LRFN2: variants seen among roughly 807,000 people sequenced by gnomAD.
LRFN2 encodes the protein leucine rich repeat and fibronectin type III domain containing 2.
Under a neutral mutation model 37.3 loss-of-function variants are expected in LRFN2, and 18 were observed. The observed-to-expected ratio is 0.48, with a 90% CI of 0.33 to 0.72. LRFN2 has a LOEUF of 0.72. LRFN2 is among the 30% of genes least tolerant of loss of function. The probability of loss-of-function intolerance (pLI) is 0.02; values close to 1 mark genes in which losing one functional copy is unlikely to be tolerated. For missense variants in LRFN2, 1,006 were observed against 1,060.7 expected (o/e 0.95, Z 0.72); for synonymous variants, 556 against 466.6 (o/e 1.19, Z -2.47).
intron 1 of LRFN2, among the ~76,000 whole-genome samples, chr6:40,437,421 G>A (rs563919227): frequency 2.0e-5 from 3 of 151,868 alleles, no homozygotes; most frequent in Non-Finnish European, 4.4e-5. Context: ...TGCATACCCT[G>A]GAGCTCAGAG....
At chr6:40,393,602 G>A (rs752030702) in intron 2 of LRFN2, among the ~76,000 whole-genome samples, 4 of 152,042 alleles carry the variant, frequency 2.6e-5, no homozygotes, top group Admixed American at 6.6e-5. Context: ...AGGGACACCC[G>A]CTACTTCCCT....
At chr6:40,421,890 T>C (rs1040391288) in intron 2 of LRFN2, among the ~76,000 whole-genome samples, 2 of 152,210 alleles carry the variant, frequency 1.3e-5, no homozygotes, top group Non-Finnish European at 2.9e-5. Context: ...ATGAAGATGT[T>C]CTTCTTTCAC....
At chr6:40,446,724 T>G (rs1002150909) in intron 1 of LRFN2, among the ~76,000 whole-genome samples, 1 of 152,254 alleles carries the variant, frequency 6.6e-6, no homozygotes, top group African/African-American at 2.4e-5. Flanking sequence ...ACAATTATCT[T>G]CTTCCAGTAG....
intron 1 of LRFN2, among the ~76,000 whole-genome samples, chr6:40,507,908 C>A (rs1429621746): frequency 1.3e-5 from 2 of 152,144 alleles, no homozygotes; most frequent in Non-Finnish European, 2.9e-5. Flanking sequence ...TAATGGCTAA[C>A]AAATGTGTGC....
chr6:40,503,318 T>C (rs1351675206), intron 1 of LRFN2, among the ~76,000 whole-genome samples: 1 of 151,996 alleles, frequency 6.6e-6, no homozygotes, highest in Non-Finnish European at 1.5e-5. Context: ...TGGAGAGAGA[T>C]CAGTTCTCCC....
intron 1 of LRFN2, among the ~76,000 whole-genome samples, chr6:40,579,017 C>T (rs1301548718): frequency 6.6e-6 from 1 of 152,176 alleles, no homozygotes; most frequent in African/African-American, 2.4e-5. Context: ...ACATAAACTT[C>T]CCAAGGACAA....
At chr6:40,457,707 G>A (rs1175905791) in intron 1 of LRFN2, among the ~76,000 whole-genome samples, 1 of 151,580 alleles carries the variant, frequency 6.6e-6, no homozygotes, top group Non-Finnish European at 1.5e-5. Flanking sequence ...ACCTGAAGGT[G>A]CCATGATTTA....
chr6:40,565,459 G>C (rs1242087548), intron 1 of LRFN2, among the ~76,000 whole-genome samples: 1 of 152,036 alleles, frequency 6.6e-6, no homozygotes, highest in Non-Finnish European at 1.5e-5. Flanking sequence ...AAAGCTGGAG[G>C]CATCACACTA....
At chr6:40,531,172 T>A (rs907257850) in intron 1 of LRFN2, among the ~76,000 whole-genome samples, 26 of 152,200 alleles carry the variant, frequency 1.7e-4, no homozygotes, top group Non-Finnish European at 3.1e-4. Context: ...ATACCACAGA[T>A]AGGCCATCTG....
intron 1 of LRFN2, among the ~76,000 whole-genome samples, chr6:40,521,742 C>G (rs1179829906): frequency 6.6e-6 from 1 of 152,058 alleles, no homozygotes; most frequent in Non-Finnish European, 1.5e-5. Flanking sequence ...CTTGACCCAC[C>G]TCCTCTTATC....
chr6:40,507,206 G>A (rs1765568132), intron 1 of LRFN2, among the ~76,000 whole-genome samples: 1 of 152,142 alleles, frequency 6.6e-6, no homozygotes. Flanking sequence ...GGCACATGGT[G>A]GGTTCTTAAT....
chr6:40,424,671 C>T (rs542292658), intron 2 of LRFN2, among the ~76,000 whole-genome samples: 6 of 152,310 alleles, frequency 3.9e-5, no homozygotes, highest in African/African-American at 1.4e-4. Flanking sequence ...CTGTCCACCC[C>T]TATTTCCTCC....
At chr6:40,413,153 T>C (rs1763010333) in intron 2 of LRFN2, among the ~76,000 whole-genome samples, 2 of 152,186 alleles carry the variant, frequency 1.3e-5, no homozygotes, top group Admixed American at 1.3e-4. Flanking sequence ...GCAAGAGTGG[T>C]GAGTGATTTA....
chr6:40,493,593 T>C (rs1765148099), intron 1 of LRFN2, among the ~76,000 whole-genome samples: 1 of 152,198 alleles, frequency 6.6e-6, no homozygotes, highest in African/African-American at 2.4e-5. Context: ...AATAGCTTCC[T>C]GAGTGCTCCA....
At chr6:40,453,547 CA>C (rs1385946546) in intron 1 of LRFN2, among the ~76,000 whole-genome samples, 34 of 150,414 alleles carry the variant, frequency 2.3e-4, no homozygotes, top group Non-Finnish European at 3.0e-4. Flanking sequence ...CACACACACA[CA>C]CACACACCTC....
At chr6:40,504,372 C>T (rs975177398) in intron 1 of LRFN2, among the ~76,000 whole-genome samples, 2 of 152,162 alleles carry the variant, frequency 1.3e-5, no homozygotes, top group Non-Finnish European at 2.9e-5. Context: ...CGATCTTAAA[C>T]ATGAAAGGCT....
intron 1 of LRFN2, among the ~76,000 whole-genome samples, chr6:40,509,156 C>T (rs1321423471): frequency 6.6e-6 from 1 of 152,246 alleles, no homozygotes; most frequent in African/African-American, 2.4e-5. Context: ...TCTCAATGAC[C>T]TAGCCAAGGA....
intron 1 of LRFN2, among the ~76,000 whole-genome samples, chr6:40,526,931 G>T (rs1285428978): frequency 7.9e-5 from 12 of 152,190 alleles, no homozygotes; most frequent in Non-Finnish European, 4.4e-5. Flanking sequence ...GGGCAGGACT[G>T]ATCATTGCCT....
Position 40,444,634 on chromosome 6 carries a change from C to T in LRFN2, c.-18-11503G>A, listed in dbSNP as rs1049183036. 1.6e-4 allele frequency among the ~76,000 whole-genome samples: 25 copies of T among 152,268 alleles called. No individual in the cohort carries two copies. The South Asian group carries it at 1.9e-3, about 11-fold the overall frequency. ...TATAAGCTGGGTCCCTGCACTGACC[C>T]TGCCTTGAACCTCAACAAGCCACTT... On this transcript the variant is annotated intron_variant, in intron 1 of 2. Transcript: ENST00000338305.
Sources: allele counts gnomAD v4.1 joint callset (sites outside exome capture counted in the v4.1 genomes callset), GRCh38; gene constraint gnomAD v4.1.1; transcripts MANE v1.5; gene names NCBI Gene and HGNC (gene_info 2026-07-23, HGNC 2026-07-21).